Variants in IQCJ observed in about 807,000 individuals in gnomAD.
IQCJ encodes IQ motif containing J, also known as IQ domain-containing protein J.
In IQCJ, 9 loss-of-function variants were observed where a neutral mutation model predicts 11.0. The observed-to-expected ratio is 0.82, with a 90% CI of 0.49 to 1.43. The LOEUF (loss-of-function observed/expected upper bound fraction) is 1.43. Among genes scored for constraint, IQCJ ranks in the 40% most tolerant of loss-of-function variants. IQCJ has a pLI of 0.00. For synonymous variants in IQCJ, 55 were observed against 51.3 expected (o/e 1.07, Z -0.31); for missense variants, 146 against 133.2 (o/e 1.10, Z -0.47).
intron 1 of IQCJ, among the ~76,000 whole-genome samples, chr3:159,179,623 T>C (rs1385250902): frequency 6.6e-6 from 1 of 152,212 alleles, no homozygotes; most frequent in Non-Finnish European, 1.5e-5. Context: ...TGGGGAAAAA[T>C]TATGTGAGAC....
intron 1 of IQCJ, among the ~76,000 whole-genome samples, chr3:159,224,240 G>A (rs1725714937): frequency 6.6e-6 from 1 of 152,118 alleles, no homozygotes; most frequent in Non-Finnish European, 1.5e-5. Flanking sequence ...CTGCCCCAAA[G>A]TAGAACAATT....
chr3:159,160,779 G>A (rs1391977344), intron 1 of IQCJ, among the ~76,000 whole-genome samples: 1 of 147,316 alleles, frequency 6.8e-6, no homozygotes, highest in Non-Finnish European at 1.5e-5. Context: ...GAGAATATGC[G>A]GTGTTTGGTT....
chr3:159,231,854 C>A (rs926786249), intron 1 of IQCJ, among the ~76,000 whole-genome samples: 5 of 152,056 alleles, frequency 3.3e-5, no homozygotes, highest in Non-Finnish European at 7.4e-5. Flanking sequence ...CTGATTTAGT[C>A]TTGGGAGGGT....
chr3:159,245,699 T>C (rs1560041036), intron 1 of IQCJ, 144 bp from the exon 2 acceptor site: 6 of 570,426 alleles, frequency 1.1e-5, no homozygotes, highest in Non-Finnish European at 1.8e-5. Flanking sequence ...CCTGACCTCG[T>C]GATCCACCCG....
At chr3:159,087,040 T>G (rs1716833198) in intron 1 of IQCJ, among the ~76,000 whole-genome samples, 1 of 152,234 alleles carries the variant, frequency 6.6e-6, no homozygotes, top group African/African-American at 2.4e-5. Context: ...TTCAGTATGA[T>G]ATTGGCTGTG....
At chr3:159,137,208 G>T (rs1720340480) in intron 1 of IQCJ, among the ~76,000 whole-genome samples, 1 of 151,186 alleles carries the variant, frequency 6.6e-6, no homozygotes, top group South Asian at 2.1e-4. Flanking sequence ...GTTTCAGTGA[G>T]CAAAGATTGT....
intron 1 of IQCJ, among the ~76,000 whole-genome samples, chr3:159,169,279 C>CTTTT (rs141888128): frequency 9.5e-3 from 533 of 56,094 alleles, no homozygotes; most frequent in East Asian, 0.012. Flanking sequence ...TTCTTTCTTT[C>CTTTT]TTTTTTTTTT....
chr3:159,102,185 T>C (rs1717975471), intron 1 of IQCJ, among the ~76,000 whole-genome samples: 1 of 152,230 alleles, frequency 6.6e-6, no homozygotes. Context: ...TAATCTGCTT[T>C]TCATTTCAAA....
At chr3:159,170,546 C>G (rs967800309) in intron 1 of IQCJ, among the ~76,000 whole-genome samples, 1 of 152,180 alleles carries the variant, frequency 6.6e-6, no homozygotes, top group Non-Finnish European at 1.5e-5. Flanking sequence ...TTATACCAAA[C>G]TAAACTTTTG....
chr3:159,220,900 T>C (rs1420778747), intron 1 of IQCJ, among the ~76,000 whole-genome samples: 1 of 152,082 alleles, frequency 6.6e-6, no homozygotes, highest in Non-Finnish European at 1.5e-5. Flanking sequence ...AAGCTTCCAT[T>C]ACAGACCCAC....
chr3:159,252,018 C>T (rs1268224104), intron 2 of IQCJ, among the ~76,000 whole-genome samples: 3 of 152,098 alleles, frequency 2.0e-5, no homozygotes, highest in Admixed American at 6.6e-5. Flanking sequence ...TCATCCACTT[C>T]GACCAAATTT....
chr3:159,188,663 T>C (rs1252506147), intron 1 of IQCJ, among the ~76,000 whole-genome samples: 1 of 152,160 alleles, frequency 6.6e-6, no homozygotes, highest in Non-Finnish European at 1.5e-5. Flanking sequence ...CTAATGTCTT[T>C]TTCTTTTTGA....
At chr3:159,206,111 CA>C (rs1310720923) in intron 1 of IQCJ, among the ~76,000 whole-genome samples, 1 of 152,074 alleles carries the variant, frequency 6.6e-6, no homozygotes, top group African/African-American at 2.4e-5. Flanking sequence ...TTTCTTCTTC[CA>C]TTCACTTCTC....
chr3:159,119,672 T>C (rs967564753), intron 1 of IQCJ, among the ~76,000 whole-genome samples: 3 of 152,296 alleles, frequency 2.0e-5, no homozygotes, highest in Admixed American at 1.3e-4. Context: ...GTTGTCAACA[T>C]TGTTTTGCTC....
At chr3:159,218,024 A>G (rs1725329761) in intron 1 of IQCJ, among the ~76,000 whole-genome samples, 1 of 99,094 alleles carries the variant, frequency 1.0e-5, no homozygotes, top group African/African-American at 4.9e-5. Context: ...AATATATAAT[A>G]ATATTATATA....
At chr3:159,191,334 A>C (rs1007166066) in intron 1 of IQCJ, among the ~76,000 whole-genome samples, 1 of 152,146 alleles carries the variant, frequency 6.6e-6, no homozygotes, top group African/African-American at 2.4e-5. Context: ...CTGGGGTTGG[A>C]TCATGGAGCA....
At chr3:159,262,036 G>A (rs938724646) in intron 3 of IQCJ, among the ~76,000 whole-genome samples, 2 of 152,162 alleles carry the variant, frequency 1.3e-5, no homozygotes, top group South Asian at 2.1e-4. Context: ...GCACATCACT[G>A]ACACCTTCAC....
At chr3:159,249,873 A>T (rs140412660) in intron 2 of IQCJ, among the ~76,000 whole-genome samples, 2 of 149,234 alleles carry the variant, frequency 1.3e-5, no homozygotes, top group Middle Eastern at 3.2e-3. Flanking sequence ...ATCTGAGACC[A>T]TTGGCAGAGC....
At chr3:159,103,055 G>A (rs963478678) in intron 1 of IQCJ, among the ~76,000 whole-genome samples, 1 of 152,086 alleles carries the variant, frequency 6.6e-6, no homozygotes, top group African/African-American at 2.4e-5. Context: ...CTAGCACTAG[G>A]CTTTTCATTT....
Sources: allele counts gnomAD v4.1 joint callset (sites outside exome capture counted in the v4.1 genomes callset), GRCh38; gene constraint gnomAD v4.1.1; transcripts MANE v1.5; gene names NCBI Gene and HGNC (gene_info 2026-07-23, HGNC 2026-07-21).